Variants in LTN1 observed in about 807,000 individuals in gnomAD.
LTN1 encodes listerin E3 ubiquitin protein ligase 1.
LTN1 carries 88 observed loss-of-function variants against 201.2 expected under a neutral mutation model. That is an observed-to-expected ratio of 0.44 (90% CI 0.37 to 0.52). LTN1 has a LOEUF of 0.52. Ranked by LOEUF, LTN1 falls within the 20% of genes least tolerant of loss-of-function variation. The probability of loss-of-function intolerance (pLI) is 0.00; values close to 1 mark genes in which losing one functional copy is unlikely to be tolerated. For synonymous variants in LTN1, 645 were observed against 713.5 expected (o/e 0.90, Z 1.53); for missense variants, 1,752 against 2,038.7 (o/e 0.86, Z 2.71).
In LTN1 at chr21:28,957,417, T is replaced by A; in HGVS notation, c.2807A>T (p.Asp936Val). ...DLLNTLLESEDSYLMGVYIGS... is the reference protein window; with the variant it reads ...DLLNTLLESEVSYLMGVYIGS... ...AATATAAACTCCCATAAGATAAGAATCTTCACTCTCTAGAAGTGTATTTAG... is the reference window on the plus strand; with the variant it reads ...AATATAAACTCCCATAAGATAAGAAACTTCACTCTCTAGAAGTGTATTTAG... Residue 936 changes from aspartate (D) to valine (V), a missense_variant, in exon 15 of 30, where the codon GAT becomes GTT. By Grantham distance (152) the Asp-to-Val change is radical (BLOSUM62 -3). This residue lies in a region of LTN1 where 1,211 missense variants were observed against 1,312.8 expected (regional missense o/e 0.92). Transcript: ENST00000361371. 1 of 1,606,482 alleles carries A rather than the reference T, an allele frequency of 6.2e-7. No homozygotes were observed. Among genetic ancestry groups the A allele is most frequent in the Non-Finnish European group, 8.5e-7 (1 of 1,177,544 alleles).
intron 18 of LTN1, among the ~76,000 whole-genome samples, chr21:28,948,257 C>T (rs1421890400): frequency 3.4e-5 from 5 of 147,590 alleles, no homozygotes; most frequent in African/African-American, 1.2e-4. Context: ...GTTGTGTGTC[C>T]TTTCTTTTCT....
intron 5 of LTN1, among the ~76,000 whole-genome samples, chr21:28,981,616 C>T (rs1467618247): frequency 6.6e-6 from 1 of 152,198 alleles, no homozygotes; most frequent in East Asian, 1.9e-4. Flanking sequence ...TATTTTCCCT[C>T]AAGGACTCTT....
At chr21:28,971,048 A>G (rs1337006486) in intron 7 of LTN1, among the ~76,000 whole-genome samples, 3 of 152,256 alleles carry the variant, frequency 2.0e-5, no homozygotes, top group Non-Finnish European at 4.4e-5. Context: ...TCTTAAATAT[A>G]AAATTCAGTT....
At chr21:28,989,385 T>C (rs2084727206) in intron 1 of LTN1, among the ~76,000 whole-genome samples, 1 of 152,174 alleles carries the variant, frequency 6.6e-6, no homozygotes, top group African/African-American at 2.4e-5. Flanking sequence ...ATTTAAAATA[T>C]AGTTACTCTT....
intron 16 of LTN1, among the ~76,000 whole-genome samples, chr21:28,954,762 T>C (rs1232986239): frequency 6.6e-6 from 1 of 152,160 alleles, no homozygotes; most frequent in African/African-American, 2.4e-5. Context: ...CAGACCTCTA[T>C]CTCTCACCAT....
chr21:28,946,162 G>A lies in LTN1; in HGVS notation c.3613C>T (p.Leu1205Phe), dbSNP rs779648360. Residue 1205 changes from leucine (L) to phenylalanine (F), a missense_variant, in exon 20 of 30, where the codon CTT becomes TTT. Transcript: ENST00000361371. ...SWKKEHEDIFLFSCNLSEASP... is the reference protein window; with the variant it reads ...SWKKEHEDIFFFSCNLSEASP... ...TAAAGTATCACCTACCAACTGAAAA[G>A]AAAAATATCTTCATGCTCTTTCTTC... is the stretch of plus-strand genomic sequence containing the variant. 1.9e-6 allele frequency: 3 copies of A among 1,578,390 alleles called. No individual in the cohort carries two copies. The South Asian group carries it at 3.5e-5, about 19-fold the overall frequency.
intron 17 of LTN1, among the ~76,000 whole-genome samples, 155 bp downstream of exon 17, chr21:28,953,062 T>C (rs1388076934): frequency 6.6e-6 from 1 of 152,216 alleles, no homozygotes; most frequent in African/African-American, 2.4e-5. Flanking sequence ...ATCAAGTATT[T>C]AGAATTCATA....
intron 11 of LTN1, among the ~76,000 whole-genome samples, chr21:28,962,949 AC>A (rs990481531): frequency 1.3e-5 from 2 of 152,190 alleles, no homozygotes; most frequent in African/African-American, 4.8e-5. Context: ...TTAATCCAAA[AC>A]CGAATCCAGA....
chr21:28,959,972 T>TA (rs536492491), intron 12 of LTN1: 13,932 of 221,188 alleles, frequency 0.063, 169 homozygotes, highest in Middle Eastern at 0.12. Flanking sequence ...CTTTATGAGC[T>TA]AAAAAAAAAA....
intron 11 of LTN1, among the ~76,000 whole-genome samples, chr21:28,965,296 A>G (rs1180369509): frequency 6.6e-6 from 1 of 152,254 alleles, no homozygotes; most frequent in African/African-American, 2.4e-5. Context: ...AGTGTTAGTT[A>G]TAACATTTAC....
Position 28,964,462 on chromosome 21 carries a change from TATA to T in LTN1, c.2163+1400_2163+1402del. 6.4e-6 allele frequency: 6 copies of T among 943,560 alleles called. No individual in the cohort carries two copies. In the South Asian group the frequency reaches 9.2e-5, roughly 14 times the overall value. The allele number at this position is 943,560 out of a possible 1,614,324, so 58.4% of individuals were successfully genotyped here. On this transcript the variant is annotated intron_variant, in intron 11 of 29. Coordinates refer to ENST00000361371, the MANE Select transcript of LTN1 (RefSeq NM_015565.3). ...TAAGATATGTACATTGGTTTTCAGA[TATA>T]ATGTTATTGCACACTTAATAGACTG...
chr21:28,985,964 A>G (rs907222316), intron 3 of LTN1, among the ~76,000 whole-genome samples, 175 bp downstream of exon 3: 1 of 152,128 alleles, frequency 6.6e-6, no homozygotes. Context: ...CCAGGCCCCA[A>G]TCTCTTTTTT....
At chr21:28,978,048 T>G (rs2084630353) in intron 6 of LTN1, among the ~76,000 whole-genome samples, 1 of 152,028 alleles carries the variant, frequency 6.6e-6, no homozygotes, top group Non-Finnish European at 1.5e-5. Flanking sequence ...ATTTTTTTTT[T>G]TAATAGGTTC....
intron 27 of LTN1, among the ~76,000 whole-genome samples, chr21:28,933,437 C>G (rs2084227190): frequency 6.6e-6 from 1 of 152,202 alleles, no homozygotes; most frequent in South Asian, 2.1e-4. Flanking sequence ...GATTTTAACT[C>G]TGATCATGCT....
intron 25 of LTN1, among the ~76,000 whole-genome samples, chr21:28,940,220 C>T (rs1416511057): frequency 2.6e-5 from 4 of 152,120 alleles, no homozygotes; most frequent in Non-Finnish European, 1.5e-5. Flanking sequence ...GGCTCTGTCG[C>T]CCAGGCTTGA....
At chr21:28,952,627 G>A (rs1006670624) in intron 17 of LTN1, among the ~76,000 whole-genome samples, 6 of 152,198 alleles carry the variant, frequency 3.9e-5, no homozygotes, top group Admixed American at 3.9e-4. Context: ...AATCAAAGAG[G>A]TTCTTTGGTT....
chr21:28,952,822 T>C (rs1422310243), intron 17 of LTN1, among the ~76,000 whole-genome samples: 1 of 152,234 alleles, frequency 6.6e-6, no homozygotes, highest in Admixed American at 6.5e-5. Flanking sequence ...ACTGTTTTCA[T>C]ACCTGCCTTC....
intron 9 of LTN1, among the ~76,000 whole-genome samples, chr21:28,969,098 G>A (rs1048568376): frequency 1.3e-5 from 2 of 151,684 alleles, no homozygotes; most frequent in Non-Finnish European, 2.9e-5. Flanking sequence ...GCGGGTGCCT[G>A]TAATCCCAGC....
At chr21:28,959,721 G>A in intron 12 of LTN1, 24 bp from the exon 13 acceptor site, 1 of 1,532,516 alleles carries the variant, frequency 6.5e-7, no homozygotes, top group Non-Finnish European at 8.8e-7. Flanking sequence ...GGTTCAAACA[G>A]ACAAAAAATA....
Sources: gnomAD v4.1 joint callset for allele counts (sites outside exome capture counted in the v4.1 genomes callset) on GRCh38, gnomAD v4.1.1 for gene constraint, gnomAD v4.1.1 regional missense constraint, MANE v1.5 for transcripts, NCBI Gene and HGNC (gene_info 2026-07-23, HGNC 2026-07-21) for gene names.